The following WDSUB1 variants were observed in gnomAD, a reference collection of about 807,000 sequenced individuals.
WDSUB1 encodes WD repeat, sterile alpha motif and U-box domain containing 1.
Under a neutral mutation model 53.9 loss-of-function variants are expected in WDSUB1, and 49 were observed. The observed-to-expected ratio is 0.91, with a 90% CI of 0.72 to 1.15. The LOEUF (loss-of-function observed/expected upper bound fraction) is 1.15. Ranked by LOEUF, WDSUB1 falls within the 50% of genes most tolerant of loss-of-function variation. WDSUB1 has a pLI of 0.00. For synonymous variants in WDSUB1, 194 were observed against 200.6 expected, an observed-to-expected ratio of 0.97 and a Z score of 0.28; for missense variants, 514 against 562.0, an observed-to-expected ratio of 0.91 and a Z score of 0.86.
At chr2:159,243,886 C>A (rs1352197102) in intron 10 of WDSUB1, among the ~76,000 whole-genome samples, 1 of 152,156 alleles carries the variant, frequency 6.6e-6, no homozygotes, top group Admixed American at 6.5e-5. Flanking sequence ...ACACAATGGA[C>A]TTCTATACAG....
intron 4 of WDSUB1, among the ~76,000 whole-genome samples, chr2:159,272,279 G>C (rs918286937): frequency 1.3e-5 from 2 of 152,176 alleles, no homozygotes; most frequent in Admixed American, 6.5e-5. Flanking sequence ...GCAGAAACAT[G>C]ATCACTAACC....
chr2:159,262,222 TTAA>T (rs2061242457), intron 5 of WDSUB1, among the ~76,000 whole-genome samples: 1 of 151,930 alleles, frequency 6.6e-6, no homozygotes, highest in South Asian at 2.1e-4. Flanking sequence ...AACTCATCAC[TTAA>T]TAAGCAGGAT....
At position 159,271,722 on chromosome 2, in the gene WDSUB1, A is replaced by G. The variant is rs763774826; in HGVS notation, c.750T>C (p.Asp250=). The part of the protein sequence containing the change: ...APVLACAFSH[D]GQMLVSGSVD... ...CTTACCCTGAGACTAGCATCTGCCC[A>G]TCATGGGAAAAAGCACAAGCCAGAA... Residue 250 remains aspartate, a synonymous_variant, in exon 5 of 11, where the codon GAT becomes GAC. Transcript: ENST00000359774. The G allele has an allele frequency of 1.9e-6, 3 of 1,614,168 alleles. No homozygotes were observed. Among genetic ancestry groups the G allele is most frequent in the Admixed American group, 3.3e-5 (2 of 60,028 alleles).
chr2:159,236,739 G>A (rs117380430), intron 10 of WDSUB1, among the ~76,000 whole-genome samples: 1 of 152,074 alleles, frequency 6.6e-6, no homozygotes, highest in Admixed American at 6.6e-5. Context: ...CTCACTGCAA[G>A]CTCCACCTCC....
At chr2:159,244,292 T>C (rs548773358) in intron 10 of WDSUB1, among the ~76,000 whole-genome samples, 2 of 151,996 alleles carry the variant, frequency 1.3e-5, no homozygotes, top group South Asian at 4.1e-4. Context: ...GACACACTCA[T>C]GTATGAAGAA....
At chr2:159,250,067 C>T (rs1463318142) in intron 9 of WDSUB1, among the ~76,000 whole-genome samples, 17 of 128,102 alleles carry the variant, frequency 1.3e-4, no homozygotes, top group Non-Finnish European at 6.4e-5. Flanking sequence ...CCAGCCTGGG[C>T]GACACAGTGA....
intron 6 of WDSUB1, among the ~76,000 whole-genome samples, chr2:159,258,584 G>A (rs1054711564): frequency 2.6e-5 from 4 of 152,242 alleles, no homozygotes; most frequent in Admixed American, 6.5e-5. Flanking sequence ...GCTTGAACCC[G>A]GGAGGCAGAG....
chr2:159,274,912 G>A (rs1188912318), intron 4 of WDSUB1, among the ~76,000 whole-genome samples: 2 of 152,156 alleles, frequency 1.3e-5, no homozygotes, highest in African/African-American at 4.8e-5. Flanking sequence ...AAACAAAGAA[G>A]ATGGTGAGCT....
Position 159,282,627 on chromosome 2 carries a change from A to T in WDSUB1, c.398+45T>A, listed in dbSNP as rs59586856. On this transcript the variant is annotated intron_variant, in intron 2 of 10. Transcript: ENST00000359774. Reference sequence around the variant, plus strand: ...TTTGCTTTCAGTTTTTTTTAAGTACACCTAGTCAACAGGATTAAAACAGGA... The same window carrying T: ...TTTGCTTTCAGTTTTTTTTAAGTACTCCTAGTCAACAGGATTAAAACAGGA... The T allele has an allele frequency of 6.5e-3, 10,189 of 1,562,806 alleles. 383 individuals are homozygous for T. The African/African-American group carries it at 0.097, about 15-fold the overall frequency.
At chr2:159,252,718 T>C (rs534732545) in intron 9 of WDSUB1, among the ~76,000 whole-genome samples, 1 of 152,330 alleles carries the variant, frequency 6.6e-6, no homozygotes, top group Non-Finnish European at 1.5e-5. Context: ...AACGAATTAA[T>C]AAGAACCGAA....
At position 159,275,601 on chromosome 2, in the gene WDSUB1, T is replaced by A; in HGVS notation, c.621A>T (p.Ser207=). The A allele has an allele frequency of 6.2e-7, 1 of 1,607,824 alleles. No homozygotes were observed. Among genetic ancestry groups the A allele is most frequent in the Non-Finnish European group, 8.5e-7 (1 of 1,178,390 alleles). ...TTTTGACTTGGCAATCCTGACCACA[T>A]GATGCCAGTCGAAAAAACTGAAGAC... ...EQGLQFFRLA[S]CGQDCQVKIW... The change falls in exon 4 of 11, where the codon TCA becomes TCT. Residue 207 remains serine, a synonymous_variant. Transcript: ENST00000359774.
At chr2:159,268,732 T>C (rs907527313) in intron 5 of WDSUB1, among the ~76,000 whole-genome samples, 3 of 152,092 alleles carry the variant, frequency 2.0e-5, no homozygotes, top group African/African-American at 4.8e-5. Context: ...TATAAAGTAA[T>C]TGAATCATGA....
chr2:159,277,613 C>T (rs936503529), intron 3 of WDSUB1, among the ~76,000 whole-genome samples: 15 of 152,172 alleles, frequency 9.9e-5, no homozygotes, highest in African/African-American at 3.6e-4. Context: ...ATCATTTACT[C>T]TCAGGTGCAA....
Position 159,250,314 on chromosome 2 carries a change from A to AT in WDSUB1, c.1133-1803dup, listed in dbSNP as rs376924453. Among the ~76,000 whole-genome samples, 300 of 152,154 alleles carry AT rather than the reference A, an allele frequency of 2.0e-3. 1 individual carries two copies. Among genetic ancestry groups the AT allele is most frequent in the African/African-American group, 7.0e-3 (289 of 41,504 alleles). ...AATGAAACTGAGGATTTTTAAAACAATTTTTTTTAAAGTGTCACAAACAAA... is the reference window on the plus strand; with the variant it reads ...AATGAAACTGAGGATTTTTAAAACAATTTTTTTTTAAAGTGTCACAAACAAA... On this transcript the variant is annotated intron_variant, in intron 9 of 10. Transcript: ENST00000359774.
chr2:159,255,199 G>A (rs2061036206), intron 9 of WDSUB1, among the ~76,000 whole-genome samples: 1 of 152,094 alleles, frequency 6.6e-6, no homozygotes, highest in Admixed American at 6.6e-5. Flanking sequence ...CAGGCACGGT[G>A]GCTCAGGTCT....
intron 5 of WDSUB1, among the ~76,000 whole-genome samples, chr2:159,266,101 G>A (rs376591390): frequency 3.9e-5 from 6 of 152,092 alleles, no homozygotes; most frequent in Admixed American, 2.0e-4. Flanking sequence ...GAATATTCTC[G>A]ATTGTATTTT....
intron 9 of WDSUB1, among the ~76,000 whole-genome samples, chr2:159,250,105 AAAG>A (rs933701641): frequency 1.4e-5 from 2 of 147,380 alleles, no homozygotes; most frequent in Admixed American, 6.7e-5. Context: ...AAAAAAAAAA[AAAG>A]AAGGGAAGGG....
At position 159,235,969 on chromosome 2, in the gene WDSUB1, G is replaced by A; in HGVS notation, c.*64C>T. On this transcript the variant is annotated 3_prime_UTR_variant, in exon 11 of 11. Coordinates refer to ENST00000359774, the MANE Select transcript of WDSUB1 (RefSeq NM_001128212.3). The stretch of plus-strand genomic sequence containing the variant: ...TTTTGCTTTTAATAATGTCTGATTA[G>A]TATTTACCTATAAATCATTCAAATG... The A allele has an allele frequency of 2.1e-6, 3 of 1,420,924 alleles. No homozygotes were observed. Among genetic ancestry groups the A allele is most frequent in the Non-Finnish European group, 1.9e-6 (2 of 1,068,996 alleles). 88.0% of individuals were successfully genotyped at this position (1,420,924 alleles called of 1,614,324 possible). A position where few individuals can be genotyped will look rare whatever the true frequency, so the allele number is the denominator to read the frequency against.
chr2:159,255,890 C>T (rs560327719), intron 9 of WDSUB1, among the ~76,000 whole-genome samples: 1 of 152,174 alleles, frequency 6.6e-6, no homozygotes, highest in East Asian at 1.9e-4. Flanking sequence ...ATAAACAACT[C>T]TTACAAAGTC....
Sources: gnomAD v4.1 joint callset for allele counts (sites outside exome capture counted in the v4.1 genomes callset) on GRCh38, gnomAD v4.1.1 for gene constraint, MANE v1.5 for transcripts, NCBI Gene and HGNC (gene_info 2026-07-23, HGNC 2026-07-21) for gene names.